PCDHGA11: variants seen among roughly 807,000 people sequenced by gnomAD.
PCDHGA11 encodes the protein protocadherin gamma subfamily A, 11, also known as protocadherin gamma-A11.
Under a neutral mutation model 60.4 loss-of-function variants are expected in PCDHGA11, and 39 were observed. The ratio of observed to expected loss-of-function variants is 0.65; its 90% CI spans 0.50 to 0.84. The LOEUF is 0.84. Ranked by LOEUF, PCDHGA11 falls within the 40% of genes least tolerant of loss-of-function variation. The pLI, the probability that PCDHGA11 is intolerant of heterozygous loss-of-function variation, is 0.00. For synonymous variants in PCDHGA11, 533 were observed against 510.3 expected (o/e 1.04, Z -0.60); for missense variants, 1,165 against 1,197.7 (o/e 0.97, Z 0.40).
chr5:141,501,500 C>G (rs1385290676), intron 2 of PCDHGA11, among the ~76,000 whole-genome samples: 1 of 151,934 alleles, frequency 6.6e-6, no homozygotes, highest in Non-Finnish European at 1.5e-5. Context: ...GCTGCTGGGG[C>G]TCCAAGGCCT....
intron 1 of PCDHGA11, among the ~76,000 whole-genome samples, chr5:141,492,206 G>T (rs1180294159): frequency 6.6e-6 from 1 of 152,204 alleles, no homozygotes; most frequent in African/African-American, 2.4e-5. Context: ...TTAGGTGTGC[G>T]CGCGGGGCTC....
In PCDHGA11 at chr5:141,509,341, G is replaced by C. The variant is rs552337350; in HGVS notation, c.2582-1606G>C. Among the ~76,000 whole-genome samples, 4 of 152,290 alleles carry C rather than the reference G, an allele frequency of 2.6e-5. No homozygotes were observed. The East Asian group carries it at 7.7e-4, about 29-fold the overall frequency. On this transcript the variant is annotated intron_variant, in intron 3 of 3. Transcript: ENST00000398587. ...GAAGCTCTACTGCCAGCTGGGCCTG[G>C]GCTGGCCTGGGCATCCCTGAGGTTT...
intron 1 of PCDHGA11, among the ~76,000 whole-genome samples, chr5:141,470,842 C>A (rs2099241464): frequency 6.6e-6 from 1 of 152,044 alleles, no homozygotes; most frequent in Non-Finnish European, 1.5e-5. Context: ...CACACGCCAC[C>A]ATGCTCAGAT....
Position 141,422,905 on chromosome 5 carries a change from G to A in PCDHGA11, c.1678G>A (p.Ala560Thr). 6.2e-7 allele frequency: 1 copy of A among 1,614,260 alleles called. No homozygotes were observed. Among genetic ancestry groups the A allele is most frequent in the South Asian group, 1.1e-5 (1 of 91,088 alleles). Residue 560 changes from alanine (A) to threonine (T), a missense_variant, in exon 1 of 4, where the codon GCG becomes ACG. Transcript: ENST00000398587. ...SLFVLDQNDNAPEILYPALPT... is the reference protein window; with the variant it reads ...SLFVLDQNDNTPEILYPALPT... ...GTTCGTGCTGGACCAGAACGACAAT[G>A]CGCCCGAGATCCTGTACCCTGCCCT... is the stretch of plus-strand genomic sequence containing the variant.
In PCDHGA11 at chr5:141,476,499, TC is replaced by T; in HGVS notation, c.2434-18307del. 1 of 1,614,110 alleles carries T rather than the reference TC, an allele frequency of 6.2e-7. No individual in the cohort carries two copies. Among genetic ancestry groups the T allele is most frequent in the Non-Finnish European group, 8.5e-7 (1 of 1,180,020 alleles). ...AGCGTGGAAGTGGTGATCCAGGACATCAACGACAACAATCCTGCTTTCCCTA... is the reference window on the plus strand; with the variant it reads ...AGCGTGGAAGTGGTGATCCAGGACATAACGACAACAATCCTGCTTTCCCTA... On this transcript the variant is annotated intron_variant, in intron 1 of 3. Transcript: ENST00000398587. The surrounding 1 kb of genome is among the most constrained non-coding windows in gnomAD (Gnocchi z 7.6).
rs1026815375 is a variant in PCDHGA11, at chr5:141,481,045, G to A, written c.2434-13762G>A. 4.6e-5 allele frequency among the ~76,000 whole-genome samples: 7 copies of A among 152,024 alleles called. No individual in the cohort carries two copies. In the South Asian group the frequency reaches 8.3e-4, roughly 18 times the overall value. ...TGCACTCCAGCCTGGGCGACAGAGCGAGACTCCACCTCAAAAACAAAAAGA... is the reference window on the plus strand; with the variant it reads ...TGCACTCCAGCCTGGGCGACAGAGCAAGACTCCACCTCAAAAACAAAAAGA... On this transcript the variant is annotated intron_variant, in intron 1 of 3. Coordinates refer to ENST00000398587, the MANE Select transcript of PCDHGA11 (RefSeq NM_018914.3).
At chr5:141,474,156 A>C (rs1387216017) in intron 1 of PCDHGA11, among the ~76,000 whole-genome samples, 1 of 152,244 alleles carries the variant, frequency 6.6e-6, no homozygotes, top group East Asian at 1.9e-4. Flanking sequence ...CAAGAAAATG[A>C]CAGGCCTTAT....
intron 2 of PCDHGA11, 114 bp from the exon 3 acceptor site, chr5:141,505,279 C>T: frequency 6.5e-7 from 1 of 1,541,274 alleles, no homozygotes; most frequent in Non-Finnish European, 8.7e-7. Context: ...AGAAACAGGT[C>T]TTGGGCATGG....
At chr5:141,436,211 C>T (rs12108692) in intron 1 of PCDHGA11, among the ~76,000 whole-genome samples, 2,997 of 152,100 alleles carry the variant, frequency 0.02, 43 homozygotes, top group African/African-American at 0.029. Flanking sequence ...AATAGGAAAA[C>T]AAATGACTTG....
chr5:141,423,616 G>A lies in PCDHGA11; in HGVS notation c.2389G>A (p.Asp797Asn). 6.2e-7 allele frequency: 1 copy of A among 1,609,594 alleles called. No homozygotes were observed. The highest frequency in any genetic ancestry group is 1.7e-5 in the Admixed American group (1 of 59,626). Reference sequence around the variant, plus strand: ...AAGCGAGCCACTCTTGATAGCTGAAGACTCAGCTATCATTTTAGGCAAATG... The same window carrying A: ...AAGCGAGCCACTCTTGATAGCTGAAAACTCAGCTATCATTTTAGGCAAATG... ...EKSEPLLIAEDSAIILGKCDP... is the reference protein window; with the variant it reads ...EKSEPLLIAENSAIILGKCDP... The change falls in exon 1 of 4, where the codon GAC (aspartate) becomes AAC (asparagine). Residue 797 changes from aspartate (D) to asparagine (N), a missense_variant. Asp to Asn is a conservative substitution (Grantham distance 23). Transcript: ENST00000398587.
At position 141,476,978 on chromosome 5, in the gene PCDHGA11, C is replaced by T; in HGVS notation, c.2434-17829C>T. 2 of 1,614,256 alleles carry T rather than the reference C, an allele frequency of 1.2e-6. No homozygotes were observed. Among genetic ancestry groups the T allele is most frequent in the Non-Finnish European group, 1.7e-6 (2 of 1,180,058 alleles). ...TATTTACTCCTTCGGCAGCCACAAC[C>T]GCGCCGGCGTGCGGCAACTATTCGC... On this transcript the variant is annotated intron_variant, in intron 1 of 3. Coordinates refer to ENST00000398587, the MANE Select transcript of PCDHGA11 (RefSeq NM_018914.3). This position sits in a 1 kb window ranked among gnomAD's most constrained non-coding sequence, Gnocchi z 7.6.
chr5:141,432,864 G>A lies in PCDHGA11; in HGVS notation c.2433+9204G>A. On this transcript the variant is annotated intron_variant, in intron 1 of 3. Coordinates refer to ENST00000398587, the MANE Select transcript of PCDHGA11 (RefSeq NM_018914.3). The surrounding 1 kb of genome is among the most constrained non-coding windows in gnomAD (Gnocchi z 6.0). ...GTGGTAGCGGTGGCCGCGGTCTCCT[G>A]CGTCTTCCTGGCCTTCGTCATCTTG... 6.2e-7 allele frequency: 1 copy of A among 1,614,168 alleles called. No individual in the cohort carries two copies. Among genetic ancestry groups the A allele is most frequent in the South Asian group, 1.1e-5 (1 of 91,084 alleles).
Position 141,487,819 on chromosome 5 carries a change from C to T in PCDHGA11, c.2434-6988C>T, listed in dbSNP as rs559702138. 28 of 1,285,530 alleles carry T rather than the reference C, an allele frequency of 2.2e-5. No homozygotes were observed. The highest frequency in any genetic ancestry group is 7.6e-5 in the East Asian group (3 of 39,466). 79.6% of individuals were successfully genotyped at this position (1,285,530 alleles called of 1,614,324 possible). ...AGTTGTCACAGTTTAGCATTGGGGG[C>T]GGGTCATGCCTATATCTGAGTAAGA... is the stretch of plus-strand genomic sequence containing the variant. On this transcript the variant is annotated intron_variant, in intron 1 of 3. Transcript: ENST00000398587. The surrounding 1 kb of genome is among the most constrained non-coding windows in gnomAD (Gnocchi z 5.0).
In PCDHGA11 at chr5:141,430,991, A is replaced by G. The variant is rs2097333608; in HGVS notation, c.2433+7331A>G. 2.5e-6 allele frequency: 4 copies of G among 1,613,862 alleles called. No individual in the cohort carries two copies. In the East Asian group the frequency reaches 8.9e-5, roughly 36 times the overall value. ...AGGTAGGACGCAGCTTTTCGCCCTGAATCCGCGCAGCGGCAGCTTGGTCAC... is the reference window on the plus strand; with the variant it reads ...AGGTAGGACGCAGCTTTTCGCCCTGGATCCGCGCAGCGGCAGCTTGGTCAC... On this transcript the variant is annotated intron_variant, in intron 1 of 3. Coordinates refer to ENST00000398587, the MANE Select transcript of PCDHGA11 (RefSeq NM_018914.3).
intron 1 of PCDHGA11, among the ~76,000 whole-genome samples, chr5:141,433,837 CAA>C (rs56191208): frequency 1.4e-4 from 16 of 111,664 alleles, no homozygotes; most frequent in Non-Finnish European, 1.2e-4. Context: ...AACTCTATCT[CAA>C]AAAAAAAAAA....
At chr5:141,507,537 C>CA (rs140454890) in intron 3 of PCDHGA11, among the ~76,000 whole-genome samples, 3,617 of 152,286 alleles carry the variant, frequency 0.024, 53 homozygotes, top group East Asian at 0.043. Context: ...AGGCCAGAGA[C>CA]TGAGTATGAA....
Position 141,477,707 on chromosome 5 carries a change from C to T in PCDHGA11, c.2434-17100C>T. ...AGTGCCCCTAGACTATGAGGATCGG[C>T]GGGAATTTGAATTAACAGCTCATAT... On this transcript the variant is annotated intron_variant, in intron 1 of 3. Transcript: ENST00000398587. The surrounding 1 kb of genome is among the most constrained non-coding windows in gnomAD (Gnocchi z 4.9). 6.2e-7 allele frequency: 1 copy of T among 1,613,952 alleles called. No individual in the cohort carries two copies. Among genetic ancestry groups the T allele is most frequent in the South Asian group, 1.1e-5 (1 of 91,086 alleles).
At chr5:141,436,738 G>T (rs1207400781) in intron 1 of PCDHGA11, among the ~76,000 whole-genome samples, 2 of 152,306 alleles carry the variant, frequency 1.3e-5, no homozygotes, top group South Asian at 2.1e-4. Context: ...AATGATTTTT[G>T]TGTGCTTCTC....
intron 2 of PCDHGA11, among the ~76,000 whole-genome samples, chr5:141,499,686 T>G (rs1400567357): frequency 1.3e-5 from 2 of 149,346 alleles, no homozygotes; most frequent in Non-Finnish European, 3.0e-5. Flanking sequence ...CTTTAACAGA[T>G]GACTTTTTTT....
Sources: gnomAD v4.1 joint callset for allele counts (sites outside exome capture counted in the v4.1 genomes callset) on GRCh38, gnomAD v4.1.1 for gene constraint, Gnocchi (gnomAD v3.1) non-coding constraint, MANE v1.5 for transcripts, NCBI Gene and HGNC (gene_info 2026-07-23, HGNC 2026-07-21) for gene names.